The following PROS1 variants were observed in gnomAD, a reference collection of about 807,000 sequenced individuals.
The protein encoded by PROS1 is vitamin K-dependent protein S.
PROS1 carries 29 observed loss-of-function variants against 75.9 expected under a neutral mutation model. That is an observed-to-expected ratio of 0.38 (90% CI 0.28 to 0.52). The LOEUF (loss-of-function observed/expected upper bound fraction) is 0.52, where lower values mean the gene tolerates loss of function less well. Ranked by LOEUF, PROS1 falls within the 20% of genes least tolerant of loss-of-function variation. PROS1 has a pLI of 0.83. For synonymous variants in PROS1, 245 were observed against 280.6 expected (o/e 0.87, Z 1.27); for missense variants, 680 against 810.3 (o/e 0.84, Z 1.95).
At chr3:93,929,325 A>T (rs998224169) in intron 1 of PROS1, among the ~76,000 whole-genome samples, 1 of 152,076 alleles carries the variant, frequency 6.6e-6, no homozygotes, top group Non-Finnish European at 1.5e-5. Context: ...AAAAAATTTT[A>T]ACAATTGTCC....
At chr3:93,943,253 G>A (rs1709318592) in intron 1 of PROS1, among the ~76,000 whole-genome samples, 1 of 151,978 alleles carries the variant, frequency 6.6e-6, no homozygotes, top group African/African-American at 2.4e-5. Flanking sequence ...TAAAAAGGAG[G>A]ACTCTGTCAA....
At chr3:93,922,595 A>T (rs990990767) in intron 3 of PROS1, among the ~76,000 whole-genome samples, 1 of 152,194 alleles carries the variant, frequency 6.6e-6, no homozygotes, top group Non-Finnish European at 1.5e-5. Flanking sequence ...CAATTTTTTA[A>T]TTTCTTTGGT....
At chr3:93,922,752 A>G (rs2107195057) in intron 3 of PROS1, among the ~76,000 whole-genome samples, 1 of 152,350 alleles carries the variant, frequency 6.6e-6, no homozygotes, top group South Asian at 2.1e-4. Context: ...ATAACAAAAA[A>G]AGTGTAACTT....
intron 3 of PROS1, among the ~76,000 whole-genome samples, chr3:93,913,201 C>T (rs1708786159): frequency 6.6e-6 from 1 of 152,150 alleles, no homozygotes; most frequent in Admixed American, 6.5e-5. Context: ...GTTCTCCTTC[C>T]TGCTGCCTTG....
intron 1 of PROS1, among the ~76,000 whole-genome samples, chr3:93,954,880 G>GA (rs997527426): frequency 4.7e-4 from 71 of 152,186 alleles, no homozygotes; most frequent in Admixed American, 1.2e-3. Context: ...AAATTTACAA[G>GA]AAAAAATCAA....
At position 93,973,818 on chromosome 3, in the gene PROS1, G is replaced by GCGGAGCTGCGAGCCTGTGCGCCT; in HGVS notation, c.-92_-70dup. On this transcript the variant is annotated 5_prime_UTR_variant, in exon 1 of 15. Coordinates refer to ENST00000394236, the MANE Select transcript of PROS1 (RefSeq NM_000313.4). ...GGCGGGGACCGGAGCGCTAGGCGCC[G>GCGGAGCTGCGAGCCTGTGCGCCT]CGGAGCTGCGAGCCTGTGCGCCTCG... The GCGGAGCTGCGAGCCTGTGCGCCT allele has an allele frequency of 7.3e-7, 1 of 1,366,056 alleles. No homozygotes were observed. Among genetic ancestry groups the GCGGAGCTGCGAGCCTGTGCGCCT allele is most frequent in the Non-Finnish European group, 1.0e-6 (1 of 995,744 alleles). The allele number at this position is 1,366,056 out of a possible 1,614,324, so 84.6% of individuals were successfully genotyped here.
At chr3:93,903,013 C>T (rs1299137506) in intron 6 of PROS1, among the ~76,000 whole-genome samples, 2 of 151,852 alleles carry the variant, frequency 1.3e-5, no homozygotes, top group Non-Finnish European at 2.9e-5. Flanking sequence ...ACTACAGGCA[C>T]CCGCCACCAC....
chr3:93,940,790 T>G (rs1282208008), intron 1 of PROS1, among the ~76,000 whole-genome samples: 3 of 152,166 alleles, frequency 2.0e-5, no homozygotes, highest in Non-Finnish European at 4.4e-5. Context: ...TAAAGCCTGT[T>G]ATCACTCACC....
intron 3 of PROS1, 143 bp from the exon 4 acceptor site, chr3:93,910,848 T>C (rs1036516818): frequency 5.7e-6 from 4 of 704,736 alleles, no homozygotes; most frequent in Non-Finnish European, 1.0e-5. Context: ...ACACTAAATG[T>C]TTCCATCTAC....
intron 10 of PROS1, among the ~76,000 whole-genome samples, chr3:93,888,643 T>A (rs1345537472): frequency 2.0e-5 from 3 of 152,170 alleles, no homozygotes; most frequent in Non-Finnish European, 4.4e-5. Flanking sequence ...AATTGAAGGC[T>A]TAACTTCAAA....
chr3:93,927,850 C>CAT (rs62909461), intron 1 of PROS1, among the ~76,000 whole-genome samples: 3,757 of 117,642 alleles, frequency 0.032, 79 homozygotes, highest in African/African-American at 0.064. Context: ...AAAAAACAAA[C>CAT]ATATATATAT....
chr3:93,942,860 C>T (rs1235074313), intron 1 of PROS1, among the ~76,000 whole-genome samples: 3 of 152,146 alleles, frequency 2.0e-5, no homozygotes, highest in Non-Finnish European at 4.4e-5. Context: ...CCCTCCCTTC[C>T]CTACACATCA....
intron 2 of PROS1, among the ~76,000 whole-genome samples, chr3:93,924,979 T>C (rs1328471724): frequency 6.6e-6 from 1 of 152,192 alleles, no homozygotes; most frequent in African/African-American, 2.4e-5. Flanking sequence ...AACAGTGACA[T>C]ACTTTGAAGT....
chr3:93,973,578 A>C, intron 1 of PROS1, 96 bp downstream of exon 1: 5 of 1,315,566 alleles, frequency 3.8e-6, no homozygotes, highest in South Asian at 1.2e-5. Context: ...ACTTTCTAGG[A>C]GGCTGCAGCT....
intron 3 of PROS1, among the ~76,000 whole-genome samples, chr3:93,923,395 C>T (rs1430271164): frequency 6.6e-6 from 1 of 151,974 alleles, no homozygotes; most frequent in Non-Finnish European, 1.5e-5. Context: ...CAAGAGTTAA[C>T]ACTGTTTTTT....
At chr3:93,928,533 CAAA>C (rs200106525) in intron 1 of PROS1, among the ~76,000 whole-genome samples, 2 of 47,706 alleles carry the variant, frequency 4.2e-5, no homozygotes, top group Non-Finnish European at 4.4e-5. Flanking sequence ...GACTCTGTCT[CAAA>C]AAAAAAAAAA....
Position 93,973,882 on chromosome 3 carries a change from G to A in PROS1, c.-133C>T. On this transcript the variant is annotated 5_prime_UTR_variant, in exon 1 of 15. Coordinates refer to ENST00000394236, the MANE Select transcript of PROS1 (RefSeq NM_000313.4). ...TGCGCGGCGGCGCCAGCGACCCAGC[G>A]AGCCTCGGCGGAACAGCCGGGGGCG... 3.1e-6 allele frequency: 2 copies of A among 634,982 alleles called. No individual in the cohort carries two copies. The highest frequency in any genetic ancestry group is 4.5e-5 in the Admixed American group (1 of 22,260). 39.3% of individuals were successfully genotyped at this position (634,982 alleles called of 1,614,324 possible).
chr3:93,908,423 A>G (rs185090785), intron 4 of PROS1, among the ~76,000 whole-genome samples: 1 of 152,316 alleles, frequency 6.6e-6, no homozygotes, highest in East Asian at 1.9e-4. Context: ...GAAAACAAAT[A>G]TTGGAGTTTG....
chr3:93,925,747 G>C (rs566660158), intron 2 of PROS1, among the ~76,000 whole-genome samples: 11 of 151,064 alleles, frequency 7.3e-5, no homozygotes, highest in South Asian at 6.3e-4. Context: ...TTGCCTGAGC[G>C]GGGGGGTCAG....
Sources: gnomAD v4.1 joint callset for allele counts (sites outside exome capture counted in the v4.1 genomes callset) on GRCh38, gnomAD v4.1.1 for gene constraint, MANE v1.5 for transcripts, NCBI Gene and HGNC (gene_info 2026-07-23, HGNC 2026-07-21) for gene names.